FAM120B: variants seen among roughly 807,000 people sequenced by gnomAD.
FAM120B encodes the protein constitutive coactivator of peroxisome proliferator-activated receptor gamma.
In FAM120B, 83 loss-of-function variants were observed where a neutral mutation model predicts 96.3. That is an observed-to-expected ratio of 0.86 (90% CI 0.72 to 1.03). The LOEUF (loss-of-function observed/expected upper bound fraction) is 1.03, where lower values mean the gene tolerates loss of function less well. Ranked by LOEUF, FAM120B falls within the 50% of genes least tolerant of loss-of-function variation. The pLI is 0.00. For synonymous variants in FAM120B, 407 were observed against 402.7 expected (o/e 1.01, Z -0.13); for missense variants, 1,027 against 1,121.2 (o/e 0.92, Z 1.20).
intron 2 of FAM120B, among the ~76,000 whole-genome samples, chr6:170,320,550 G>A (rs1785218312): frequency 6.6e-6 from 1 of 152,204 alleles, no homozygotes; most frequent in Admixed American, 6.5e-5. Flanking sequence ...GTTCCTCCTT[G>A]AGTACCGGCG....
At chr6:170,397,606 C>G (rs757097940) in intron 9 of FAM120B, among the ~76,000 whole-genome samples, 1 of 152,162 alleles carries the variant, frequency 6.6e-6, no homozygotes, top group South Asian at 2.1e-4. Context: ...TGCAGACCGA[C>G]CACATCCAGC....
At chr6:170,348,758 T>C (rs1468522695) in intron 5 of FAM120B, among the ~76,000 whole-genome samples, 2 of 152,220 alleles carry the variant, frequency 1.3e-5, no homozygotes, top group Non-Finnish European at 2.9e-5. Flanking sequence ...CTTCAGCTTT[T>C]TCCTATGTCA....
chr6:170,321,840 G>C (rs1183937103), intron 2 of FAM120B, among the ~76,000 whole-genome samples: 2 of 152,196 alleles, frequency 1.3e-5, no homozygotes, highest in Non-Finnish European at 2.9e-5. Context: ...AAGGAACAGA[G>C]AGATTAAGAC....
intron 1 of FAM120B, among the ~76,000 whole-genome samples, chr6:170,298,840 T>C (rs1784080670): frequency 3.3e-5 from 5 of 152,202 alleles, no homozygotes; most frequent in Admixed American, 3.3e-4. Context: ...CATTTCTCAG[T>C]GGCTAGAGCT....
At chr6:170,345,867 A>G (rs1787144688) in intron 4 of FAM120B, among the ~76,000 whole-genome samples, 1 of 152,236 alleles carries the variant, frequency 6.6e-6, no homozygotes, top group Admixed American at 6.5e-5. Context: ...GCTTAACCAC[A>G]GTGATCAGTT....
upstream of FAM120B, among the ~76,000 whole-genome samples, chr6:170,292,601 T>C (rs1783910423): frequency 1.3e-5 from 2 of 152,150 alleles, no homozygotes; most frequent in Non-Finnish European, 1.5e-5. The surrounding 1 kb of genome is among the most constrained non-coding windows in gnomAD (Gnocchi z 6.6). Flanking sequence ...TCCCGGCAAA[T>C]GTCTTGATCA....
At chr6:170,387,425 G>GT (rs1790249483) in intron 6 of FAM120B, among the ~76,000 whole-genome samples, 1 of 152,078 alleles carries the variant, frequency 6.6e-6, no homozygotes, top group Non-Finnish European at 1.5e-5. Context: ...AGACAATGAC[G>GT]GATTCAGTTT....
intron 6 of FAM120B, among the ~76,000 whole-genome samples, chr6:170,364,548 A>G (rs924104177): frequency 6.6e-6 from 1 of 152,264 alleles, no homozygotes; most frequent in African/African-American, 2.4e-5. Flanking sequence ...ATTTAAAAGT[A>G]TACATGAGCA....
chr6:170,366,273 G>C (rs1256966376), intron 6 of FAM120B, among the ~76,000 whole-genome samples: 1 of 152,210 alleles, frequency 6.6e-6, no homozygotes, highest in Non-Finnish European at 1.5e-5. Flanking sequence ...AGCTTGGTGT[G>C]TGGGGAGCTG....
chr6:170,348,201 C>G lies in FAM120B; in HGVS notation c.2068C>G (p.Gln690Glu). Residue 690 changes from glutamine (Q) to glutamate (E), a missense_variant, in exon 5 of 11, where the codon CAG becomes GAG. Transcript: ENST00000476287. ...ATGGCTGAACCAAGAGCCAGAAATA[C>G]AGGTTCGGCGCTTGGACACACTCCT... Reference protein sequence around the residue: ...ILWLNQEPEIQVRRLDTLLAC... With the variant: ...ILWLNQEPEIEVRRLDTLLAC... 1 of 1,614,046 alleles carries G rather than the reference C, an allele frequency of 6.2e-7. No homozygotes were observed. Among genetic ancestry groups the G allele is most frequent in the African/African-American group, 1.3e-5 (1 of 75,030 alleles).
At chr6:170,328,359 G>A (rs1172343296) in intron 3 of FAM120B, among the ~76,000 whole-genome samples, 1 of 152,336 alleles carries the variant, frequency 6.6e-6, no homozygotes, top group Non-Finnish European at 1.5e-5. Flanking sequence ...CACCAGAAAT[G>A]TGTGTGCAGT....
At chr6:170,399,252 A>G (rs1778396051) in intron 9 of FAM120B, among the ~76,000 whole-genome samples, 1 of 145,740 alleles carries the variant, frequency 6.9e-6, no homozygotes, top group Admixed American at 6.7e-5. Context: ...GTGAGTGAGA[A>G]AGGTAGAACT....
At chr6:170,390,398 A>C (rs1174484859) in intron 7 of FAM120B, among the ~76,000 whole-genome samples, 5 of 152,188 alleles carry the variant, frequency 3.3e-5, no homozygotes, top group African/African-American at 1.2e-4. Context: ...TGTAGCCTGT[A>C]AGTCATTCCA....
Position 170,348,244 on chromosome 6 carries a change from C to A in FAM120B, c.2111C>A (p.Ser704Tyr). 6.2e-7 allele frequency: 1 copy of A among 1,614,090 alleles called. No individual in the cohort carries two copies. Residue 704 changes from serine to tyrosine, a missense_variant, in exon 5 of 11, where the codon TCC (serine) becomes TAC (tyrosine). By Grantham distance (144) the Ser-to-Tyr change is moderately radical. Transcript: ENST00000476287. The stretch of plus-strand genomic sequence containing the variant: ...ACACTCCTAGCCTGTTTCAATCTTT[C>A]CTCCTCAAGAGAAGAGCTGCAGGCT... Reference protein sequence around the residue: ...LDTLLACFNLSSSREELQAVE... With the variant: ...LDTLLACFNLYSSREELQAVE...
At chr6:170,303,638 G>T (rs745715931), upstream of FAM120B, among the ~76,000 whole-genome samples, 45 of 152,136 alleles carry the variant, frequency 3.0e-4, no homozygotes, top group Non-Finnish European at 6.2e-4. Flanking sequence ...AGAAGACAAG[G>T]ATTTAACTCT....
intron 6 of FAM120B, among the ~76,000 whole-genome samples, chr6:170,362,805 C>T (rs1042307347): frequency 1.3e-5 from 2 of 151,624 alleles, no homozygotes; most frequent in African/African-American, 4.9e-5. Context: ...CCTCAGCCTT[C>T]CTAGTAGTTG....
At chr6:170,354,965 A>T (rs1192050141) in intron 5 of FAM120B, among the ~76,000 whole-genome samples, 1 of 152,176 alleles carries the variant, frequency 6.6e-6, no homozygotes, top group Non-Finnish European at 1.5e-5. Context: ...GCCAACAAAC[A>T]TATGAAGAAA....
Position 170,369,639 on chromosome 6 carries a change from G to A in FAM120B, c.2283+11321G>A, listed in dbSNP as rs185819817. Among the ~76,000 whole-genome samples, 143 of 151,856 alleles carry A rather than the reference G, an allele frequency of 9.4e-4. 2 individuals are homozygous for A. The highest frequency in any genetic ancestry group is 3.2e-3 in the African/African-American group (134 of 41,384). ...CCCGGGGCTGAACCCGCCACTGGATGTAGCCTGTGGCACTCCTCGGGTGAC... is the reference window on the plus strand; with the variant it reads ...CCCGGGGCTGAACCCGCCACTGGATATAGCCTGTGGCACTCCTCGGGTGAC... On this transcript the variant is annotated intron_variant, in intron 6 of 10. Coordinates refer to ENST00000476287, the MANE Select transcript of FAM120B (RefSeq NM_032448.3).
At position 170,401,871 on chromosome 6, in the gene FAM120B, A is replaced by C. The variant is rs187791033; in HGVS notation, c.2693-2679A>C. On this transcript the variant is annotated intron_variant, in intron 9 of 10. Coordinates refer to ENST00000476287, the MANE Select transcript of FAM120B (RefSeq NM_032448.3). The stretch of plus-strand genomic sequence containing the variant: ...ACTTCTGGTTCCAAGCATTTCAGAA[A>C]GGGGTTACTCAGCCTGTAGTAAACA... Among the ~76,000 whole-genome samples the C allele has an allele frequency of 1.3e-3, 202 of 152,382 alleles. 2 individuals are homozygous for C. The Middle Eastern group carries it at 0.027, about 21-fold the overall frequency.
Sources: gnomAD v4.1 joint callset for allele counts (sites outside exome capture counted in the v4.1 genomes callset) on GRCh38, gnomAD v4.1.1 for gene constraint, Gnocchi (gnomAD v3.1) non-coding constraint, MANE v1.5 for transcripts, NCBI Gene and HGNC (gene_info 2026-07-23, HGNC 2026-07-21) for gene names.